The following TGM5 variants were observed in gnomAD, a reference collection of about 807,000 sequenced individuals.
The protein encoded by TGM5 is protein-glutamine gamma-glutamyltransferase 5.
TGM5 carries 69 observed loss-of-function variants against 77.2 expected under a neutral mutation model. That is an observed-to-expected ratio of 0.89 (90% CI 0.74 to 1.09). The LOEUF is 1.09. TGM5 is among the 50% of genes least tolerant of loss of function. TGM5 has a pLI of 0.00. For synonymous variants in TGM5, 346 were observed against 351.8 expected (o/e 0.98, Z 0.18); for missense variants, 842 against 896.5 (o/e 0.94, Z 0.78).
chr15:43,233,756 A>T, intron 11 of TGM5, 69 bp from the exon 12 acceptor site: 1 of 1,585,154 alleles, frequency 6.3e-7, no homozygotes, highest in Non-Finnish European at 8.6e-7. Context: ...TACGAAGGGC[A>T]CCATTCTGTA....
Position 43,239,192 on chromosome 15 carries a change from A to G in TGM5, c.1076T>C (p.Leu359Pro). ...LPPAYGGWQV[L>P]DATPQEMSNG... ...GCTCATCTCCTGAGGTGTGGCGTCC[A>G]GCACCTGCCAGCCTCCATATGCAGG... Residue 359 changes from leucine to proline, a missense_variant, in exon 8 of 13, where the codon CTG becomes CCG. Coordinates refer to ENST00000220420, the MANE Select transcript of TGM5 (RefSeq NM_201631.4). 1 of 1,614,188 alleles carries G rather than the reference A, an allele frequency of 6.2e-7. No homozygotes were observed. Among genetic ancestry groups the G allele is most frequent in the South Asian group, 1.1e-5 (1 of 91,080 alleles).
intron 10 of TGM5, among the ~76,000 whole-genome samples, 196 bp downstream of exon 10, chr15:43,235,265 AGAGGGAGG>A (rs1267894956): frequency 7.2e-6 from 1 of 138,122 alleles, no homozygotes; most frequent in Non-Finnish European, 1.6e-5. Context: ...AGGAAGGAAG[AGAGGGAGG>A]GAGGGAAGGA....
rs144961145 is a variant in TGM5 at position 43,238,910 on chromosome 15, G to A, written c.1252C>T (p.Gln418Ter). 6.2e-7 allele frequency: 1 copy of A among 1,614,214 alleles called. No individual in the cohort carries two copies. The highest frequency in any genetic ancestry group is 8.5e-7 in the Non-Finnish European group (1 of 1,180,040). The change falls in exon 9 of 13, where the codon CAG (glutamine) becomes TAG (stop). Residue 418 changes from glutamine to a stop codon, truncating the protein, a stop_gained. Transcript: ENST00000220420. LOFTEE classifies it high-confidence loss of function. ...AAATTGCCAACAGAACTCGTGTCCTGGTGAAGCTTCTGCTCCTTCCCTCCC... is the reference window on the plus strand; with the variant it reads ...AAATTGCCAACAGAACTCGTGTCCTAGTGAAGCTTCTGCTCCTTCCCTCCC... ...VQGGKEQKLHQDTSSVGNFIS... is the reference protein window; with the variant it reads ...VQGGKEQKLH
chr15:43,236,273 C>T (rs2042589754), intron 9 of TGM5, among the ~76,000 whole-genome samples: 1 of 152,156 alleles, frequency 6.6e-6, no homozygotes, highest in African/African-American at 2.4e-5. Context: ...AAATAAACCT[C>T]ATAAAGACAG....
chr15:43,240,524 G>A (rs1206314991), intron 7 of TGM5, among the ~76,000 whole-genome samples: 2 of 151,896 alleles, frequency 1.3e-5, no homozygotes, highest in Non-Finnish European at 2.9e-5. Flanking sequence ...ACCTTCAAAG[G>A]GCAGTGGGGA....
At chr15:43,249,995 G>A (rs1028511400) in intron 6 of TGM5, among the ~76,000 whole-genome samples, 2 of 152,140 alleles carry the variant, frequency 1.3e-5, no homozygotes, top group East Asian at 1.9e-4. Context: ...ATGATATATC[G>A]ACTTTGCAGG....
At chr15:43,234,695 C>G in intron 11 of TGM5, 74 bp downstream of exon 11, 1 of 1,596,784 alleles carries the variant, frequency 6.3e-7, no homozygotes, top group Non-Finnish European at 8.6e-7. Flanking sequence ...CCCAGGCTGC[C>G]CTCTCACAGG....
At chr15:43,257,756 C>A (rs543200172) in intron 3 of TGM5, among the ~76,000 whole-genome samples, 1 of 152,270 alleles carries the variant, frequency 6.6e-6, no homozygotes, top group Admixed American at 6.5e-5. Context: ...ATAAATCATG[C>A]TGCTATAAAG....
intron 4 of TGM5, among the ~76,000 whole-genome samples, chr15:43,255,245 G>A (rs2042735181): frequency 6.6e-6 from 1 of 152,008 alleles, no homozygotes; most frequent in Non-Finnish European, 1.5e-5. Context: ...GAGGTGGGAG[G>A]ATCACTTGAG....
Position 43,238,881 on chromosome 15 carries a change from G to T in TGM5, c.1281C>A (p.Ile427=). 1 of 1,614,206 alleles carries T rather than the reference G, an allele frequency of 6.2e-7. No homozygotes were observed. Among genetic ancestry groups the T allele is most frequent in the Non-Finnish European group, 8.5e-7 (1 of 1,180,034 alleles). ...CGTCACTCTGGATGCTCTTTGTGCT[G>T]ATAAAATTGCCAACAGAACTCGTGT... ...HQDTSSVGNF[I]STKSIQSDER... is the part of the protein sequence containing the mutation. The change falls in exon 9 of 13, where the codon ATC becomes ATA. Residue 427 remains isoleucine (I), a synonymous_variant. Transcript: ENST00000220420.
intron 6 of TGM5, among the ~76,000 whole-genome samples, chr15:43,244,552 A>T (rs1408472646): frequency 6.6e-6 from 1 of 152,236 alleles, no homozygotes; most frequent in Non-Finnish European, 1.5e-5. Context: ...GAGATCTCAG[A>T]GTTGGGAAGG....
intron 4 of TGM5, among the ~76,000 whole-genome samples, chr15:43,255,284 T>G (rs892812254): frequency 1.3e-5 from 2 of 152,078 alleles, no homozygotes; most frequent in Admixed American, 1.3e-4. Context: ...CAATGAGCCA[T>G]GATCTCACCA....
chr15:43,241,726 C>T (rs776470102), intron 6 of TGM5, among the ~76,000 whole-genome samples: 6 of 152,046 alleles, frequency 3.9e-5, no homozygotes, highest in East Asian at 1.9e-4. Flanking sequence ...CTCCTCCTCC[C>T]GGGTTCAAGC....
At chr15:43,245,276 G>A (rs1254677393) in intron 6 of TGM5, among the ~76,000 whole-genome samples, 1 of 152,058 alleles carries the variant, frequency 6.6e-6, no homozygotes, top group African/African-American at 2.4e-5. Context: ...CAAAACTCCA[G>A]CTCTTAGAGT....
chr15:43,233,040 A>T lies in TGM5; in HGVS notation c.*151T>A. The T allele has an allele frequency of 1.1e-6, 1 of 944,906 alleles. No homozygotes were observed. Among genetic ancestry groups the T allele is most frequent in the Non-Finnish European group, 1.6e-6 (1 of 632,104 alleles). 58.5% of individuals were successfully genotyped at this position (944,906 alleles called of 1,614,324 possible). A position where few individuals can be genotyped will look rare whatever the true frequency, so the allele number is the denominator to read the frequency against. ...AGCTTAAATTTCTAGTGGAGTCAGGAGAGACAGAAAATGAACACGTCATCC... is the reference window on the plus strand; with the variant it reads ...AGCTTAAATTTCTAGTGGAGTCAGGTGAGACAGAAAATGAACACGTCATCC... On this transcript the variant is annotated 3_prime_UTR_variant, in exon 13 of 13. Transcript: ENST00000220420.
chr15:43,260,848 G>A (rs138996453), intron 1 of TGM5, among the ~76,000 whole-genome samples: 50 of 152,006 alleles, frequency 3.3e-4, no homozygotes, highest in African/African-American at 1.2e-3. Flanking sequence ...TCCTGGAGGG[G>A]CATGGTTTTC....
intron 9 of TGM5, 42 bp from the exon 10 acceptor site, chr15:43,235,879 G>T: frequency 6.2e-7 from 1 of 1,609,826 alleles, no homozygotes; most frequent in South Asian, 1.1e-5. Context: ...GAGCCAGGCT[G>T]ACCGGGGTAG....
At position 43,235,538 on chromosome 15, in the gene TGM5, G is replaced by A. The variant is rs770737753; in HGVS notation, c.1645C>T (p.Leu549=). The part of the protein sequence containing the change: ...LKVNLSAQSL[L]HDGSPLSPFW... Reference sequence around the variant, plus strand: ...GGGGACAGGGGGCTGCCATCGTGCAGCAGAGACTGGGCACTCAGGTTCACT... The same window carrying A: ...GGGGACAGGGGGCTGCCATCGTGCAACAGAGACTGGGCACTCAGGTTCACT... The change falls in exon 10 of 13, where the codon CTG becomes TTG. Residue 549 remains leucine (L), a synonymous_variant. Coordinates refer to ENST00000220420, the MANE Select transcript of TGM5 (RefSeq NM_201631.4). The A allele has an allele frequency of 1.2e-6, 2 of 1,614,232 alleles. No individual in the cohort carries two copies. The highest frequency in any genetic ancestry group is 1.7e-6 in the Non-Finnish European group (2 of 1,180,030).
At chr15:43,250,651 T>C (rs2042697558) in intron 6 of TGM5, among the ~76,000 whole-genome samples, 4 of 152,240 alleles carry the variant, frequency 2.6e-5, no homozygotes, top group Admixed American at 2.6e-4. Flanking sequence ...TTAACTTTGG[T>C]TGAAGACAGA....
Sources: allele counts gnomAD v4.1 joint callset (sites outside exome capture counted in the v4.1 genomes callset), GRCh38; gene constraint gnomAD v4.1.1; transcripts MANE v1.5; gene names NCBI Gene and HGNC (gene_info 2026-07-23, HGNC 2026-07-21).